The following PTPN1 variants were observed in gnomAD, a reference collection of about 807,000 sequenced individuals.
PTPN1 encodes tyrosine-protein phosphatase non-receptor type 1.
A neutral mutation model predicts 59.9 loss-of-function variants in PTPN1; 12 were observed. The ratio of observed to expected loss-of-function variants is 0.20; its 90% CI spans 0.13 to 0.32. The LOEUF is 0.32. PTPN1 is among the 10% of genes least tolerant of loss of function. PTPN1 has a pLI of 1.00. For synonymous variants in PTPN1, 178 were observed against 203.6 expected, an observed-to-expected ratio of 0.87 and a Z score of 1.07; for missense variants, 356 against 549.2, an observed-to-expected ratio of 0.65 and a Z score of 3.52.
chr20:50,538,709 A>C (rs569279098), intron 1 of PTPN1, among the ~76,000 whole-genome samples: 1 of 152,292 alleles, frequency 6.6e-6, no homozygotes, highest in Non-Finnish European at 1.5e-5. Flanking sequence ...AGTTGCTTCT[A>C]TACTATTATC....
chr20:50,581,741 TTC>T (rs773954793), intron 9 of PTPN1, among the ~76,000 whole-genome samples: 1 of 151,118 alleles, frequency 6.6e-6, no homozygotes, highest in Non-Finnish European at 1.5e-5. Context: ...ATACGTCTGT[TTC>T]TCTCTCTCTT....
chr20:50,578,367 A>G, intron 5 of PTPN1, 53 bp from the exon 6 acceptor site: 1 of 1,465,940 alleles, frequency 6.8e-7, no homozygotes, highest in Non-Finnish European at 9.5e-7. Context: ...GGAATTAGTG[A>G]TTTCTGTACA....
chr20:50,557,847 A>C (rs2082732576), intron 1 of PTPN1: 1 of 152,150 alleles, frequency 6.6e-6, no homozygotes, highest in African/African-American at 2.4e-5. Context: ...GGAGGTCAGC[A>C]TATTGATGCC....
intron 1 of PTPN1, among the ~76,000 whole-genome samples, chr20:50,552,204 A>G (rs2082704819): frequency 6.6e-6 from 1 of 152,188 alleles, no homozygotes; most frequent in Non-Finnish European, 1.5e-5. Context: ...TTAATTGCGT[A>G]GGTCCTATCA....
At chr20:50,526,802 A>G (rs1049679591) in intron 1 of PTPN1, among the ~76,000 whole-genome samples, 1 of 151,512 alleles carries the variant, frequency 6.6e-6, no homozygotes, top group Non-Finnish European at 1.5e-5. Context: ...CTGCCTCTCC[A>G]CTGTACTTGT....
intron 1 of PTPN1, among the ~76,000 whole-genome samples, chr20:50,514,643 C>T (rs905721594): frequency 2.0e-5 from 3 of 152,114 alleles, no homozygotes; most frequent in African/African-American, 4.8e-5. Context: ...GGATTGCAGG[C>T]GTGAGCAGGT....
chr20:50,579,590 C>T, intron 7 of PTPN1, 113 bp from the exon 8 acceptor site: 1 of 1,008,528 alleles, frequency 9.9e-7, no homozygotes, highest in Admixed American at 2.1e-5. Flanking sequence ...GGCTGCAGCC[C>T]TGAGAGGCCG....
At chr20:50,542,803 T>C (rs1392467355) in intron 1 of PTPN1, among the ~76,000 whole-genome samples, 1 of 152,240 alleles carries the variant, frequency 6.6e-6, no homozygotes. Flanking sequence ...CCTGCTTCCA[T>C]TGTATAGACA....
intron 4 of PTPN1, chr20:50,571,618 C>T (rs1053238544): frequency 5.3e-5 from 8 of 152,190 alleles, no homozygotes; most frequent in Admixed American, 4.6e-4. Flanking sequence ...GATGCTCCCT[C>T]TTATTTTTGG....
chr20:50,563,159 A>G (rs2082761045), intron 2 of PTPN1: 1 of 148,960 alleles, frequency 6.7e-6, no homozygotes, highest in Non-Finnish European at 1.5e-5. Flanking sequence ...CAACTTTTTC[A>G]CTCCCAATCT....
At position 50,579,816 on chromosome 20, in the gene PTPN1, G is replaced by A. The variant is rs1263744992; in HGVS notation, c.978G>A (p.Glu326=). 1 of 1,614,032 alleles carries A rather than the reference G, an allele frequency of 6.2e-7. No individual in the cohort carries two copies. The highest frequency in any genetic ancestry group is 8.5e-7 in the Non-Finnish European group (1 of 1,180,022). Reference sequence around the variant, plus strand: ...AGCCACACAATGGGAAATGCAGGGAGTTCTTCCCAAATCACCAGTGGGTGA... The same window carrying A: ...AGCCACACAATGGGAAATGCAGGGAATTCTTCCCAAATCACCAGTGGGTGA... ...ILEPHNGKCR[E]FFPNHQWVKE... is the part of the protein sequence containing the mutation. Residue 326 remains glutamate (E), a synonymous_variant, in exon 8 of 10, where the codon GAG becomes GAA. Transcript: ENST00000371621.
rs189361363 is a variant in PTPN1 at position 50,568,398 on chromosome 20, T to C, written c.274T>C (p.Cys92Arg). The C allele has an allele frequency of 1.9e-6, 3 of 1,614,058 alleles. No individual in the cohort carries two copies. Among genetic ancestry groups the C allele is most frequent in the Admixed American group, 1.7e-5 (1 of 60,020 alleles). The change falls in exon 4 of 10, where the codon TGC (cysteine) becomes CGC (arginine). Residue 92 changes from cysteine (C) to arginine (R), a missense_variant. Coordinates refer to ENST00000371621, the MANE Select transcript of PTPN1 (RefSeq NM_002827.4). The surrounding 1 kb of genome is among the most constrained non-coding windows in gnomAD (Gnocchi z 5.6). ...TTTGCAGGGCCCTTTGCCTAACACA[T>C]GCGGTCACTTTTGGGAGATGGTGTG... ...ILTQGPLPNTCGHFWEMVWEQ... is the reference protein window; with the variant it reads ...ILTQGPLPNTRGHFWEMVWEQ...
At chr20:50,529,869 A>G (rs1019113539) in intron 1 of PTPN1, among the ~76,000 whole-genome samples, 1 of 152,060 alleles carries the variant, frequency 6.6e-6, no homozygotes, top group Non-Finnish European at 1.5e-5. Flanking sequence ...TTGATTTATT[A>G]TTATTATCAT....
chr20:50,525,366 A>G (rs1239709167), intron 1 of PTPN1, among the ~76,000 whole-genome samples: 1 of 152,236 alleles, frequency 6.6e-6, no homozygotes, highest in Non-Finnish European at 1.5e-5. Context: ...TGGCCTGGTT[A>G]CTTAAATTTA....
At chr20:50,513,057 A>G (rs2082514043) in intron 1 of PTPN1, among the ~76,000 whole-genome samples, 1 of 152,186 alleles carries the variant, frequency 6.6e-6, no homozygotes, top group African/African-American at 2.4e-5. Context: ...CTTGAAAACT[A>G]TTGGGAAAAG....
At chr20:50,581,519 C>G in intron 9 of PTPN1, 59 bp downstream of exon 9, 1 of 1,520,678 alleles carries the variant, frequency 6.6e-7, no homozygotes, top group Non-Finnish European at 8.9e-7. Flanking sequence ...GCACTGGCCG[C>G]TAGCCCGATG....
chr20:50,532,828 A>T (rs1029889180), intron 1 of PTPN1, among the ~76,000 whole-genome samples: 1 of 152,016 alleles, frequency 6.6e-6, no homozygotes, highest in African/African-American at 2.4e-5. Flanking sequence ...TTTCATTCCC[A>T]TGAATTTTGG....
chr20:50,528,489 G>A (rs1874470948), intron 1 of PTPN1, among the ~76,000 whole-genome samples: 1 of 152,008 alleles, frequency 6.6e-6, no homozygotes, highest in Non-Finnish European at 1.5e-5. Flanking sequence ...TGAGGTGGGC[G>A]GATCACTTGA....
At chr20:50,547,419 A>G (rs1262929218) in intron 1 of PTPN1, among the ~76,000 whole-genome samples, 3 of 151,880 alleles carry the variant, frequency 2.0e-5, no homozygotes, top group Non-Finnish European at 4.4e-5. Context: ...GCTAGAGTGC[A>G]ATGGTATGAT....
Sources: allele counts gnomAD v4.1 joint callset (sites outside exome capture counted in the v4.1 genomes callset), GRCh38; gene constraint gnomAD v4.1.1; non-coding constraint Gnocchi (gnomAD v3.1); transcripts MANE v1.5; gene names NCBI Gene and HGNC (gene_info 2026-07-23, HGNC 2026-07-21).